The following DLG2 variants were observed in gnomAD, a reference collection of about 807,000 sequenced individuals.
The protein encoded by DLG2 is discs large MAGUK scaffold protein 2, also known as disks large homolog 2.
Under a neutral mutation model 132.5 loss-of-function variants are expected in DLG2, and 45 were observed. The observed-to-expected ratio is 0.34, with a 90% CI of 0.27 to 0.44. The LOEUF (loss-of-function observed/expected upper bound fraction) is 0.44, where lower values mean the gene tolerates loss of function less well. DLG2 is among the 20% of genes least tolerant of loss of function. The probability of loss-of-function intolerance (pLI) is 1.00; values close to 1 mark genes in which losing one functional copy is unlikely to be tolerated. For synonymous variants in DLG2, 424 were observed against 419.6 expected, an observed-to-expected ratio of 1.01 and a Z score of -0.13; for missense variants, 1,045 against 1,196.9, an observed-to-expected ratio of 0.87 and a Z score of 1.87.
Position 85,068,718 on chromosome 11 carries a change from C to A in DLG2, c.357+42943G>T, listed in dbSNP as rs191976506. On this transcript the variant is annotated intron_variant, in intron 6 of 27. Coordinates refer to ENST00000376104, the MANE Select transcript of DLG2 (RefSeq NM_001142699.3). ...GAAGAATCAGTACTGTGAAAATGGC[C>A]ATACAGCCCAAGGAAATTTACAGAT... Among the ~76,000 whole-genome samples the A allele has an allele frequency of 4.1e-4, 62 of 152,166 alleles. No individual in the cohort carries two copies. In the East Asian group the frequency reaches 9.9e-3, roughly 24 times the overall value.
At chr11:85,397,914 T>C (rs2087577338) in intron 3 of DLG2, among the ~76,000 whole-genome samples, 1 of 152,192 alleles carries the variant, frequency 6.6e-6, no homozygotes, top group African/African-American at 2.4e-5. Context: ...AACACAGCTC[T>C]GGACCAAGCG....
chr11:84,133,821 T>C (rs1209170834), intron 9 of DLG2, among the ~76,000 whole-genome samples: 1 of 152,060 alleles, frequency 6.6e-6, no homozygotes, highest in Non-Finnish European at 1.5e-5. Flanking sequence ...ATATATTTCA[T>C]AACCAGACAA....
intron 10 of DLG2, among the ~76,000 whole-genome samples, chr11:84,068,890 A>C (rs1158291235): frequency 6.6e-6 from 1 of 152,166 alleles, no homozygotes; most frequent in African/African-American, 2.4e-5. Flanking sequence ...ATGACAGGTA[A>C]ATGATGTCTA....
At chr11:83,747,149 C>G (rs529117097) in intron 18 of DLG2, among the ~76,000 whole-genome samples, 1 of 152,262 alleles carries the variant, frequency 6.6e-6, no homozygotes, top group South Asian at 2.1e-4. Flanking sequence ...AGAAGTATAT[C>G]AAACTCAAAA....
At chr11:84,028,097 G>T (rs901893430) in intron 11 of DLG2, among the ~76,000 whole-genome samples, 5 of 150,442 alleles carry the variant, frequency 3.3e-5, no homozygotes, top group Non-Finnish European at 7.4e-5. Flanking sequence ...TCTAGAGAGA[G>T]CAAACCAAAA....
chr11:84,146,197 G>C (rs911604793), intron 9 of DLG2, among the ~76,000 whole-genome samples: 5 of 152,184 alleles, frequency 3.3e-5, no homozygotes, highest in Non-Finnish European at 7.3e-5. Flanking sequence ...ATAAGCTTTG[G>C]GGTATTAAGG....
intron 7 of DLG2, among the ~76,000 whole-genome samples, chr11:84,297,818 A>G (rs1379688389): frequency 6.6e-6 from 1 of 151,962 alleles, no homozygotes; most frequent in African/African-American, 2.4e-5. Context: ...TCTTGTCCAC[A>G]CTAGCCTTCT....
intron 6 of DLG2, among the ~76,000 whole-genome samples, chr11:84,782,849 T>C (rs1189847918): frequency 6.6e-6 from 1 of 152,156 alleles, no homozygotes; most frequent in Non-Finnish European, 1.5e-5. Flanking sequence ...ACTTTTAATT[T>C]TCCTCTTAAG....
rs370540096 is a variant in DLG2, at chr11:85,491,699, G to GA, written c.40+106957dup. ...TAGAAATAAATTTAACCAAGGAGGT[G>GA]AAAGACCTGTATACTGAAAACTAAA... On this transcript the variant is annotated intron_variant, in intron 3 of 27. Transcript: ENST00000376104. 1.4e-3 allele frequency among the ~76,000 whole-genome samples: 215 copies of GA among 152,108 alleles called. 1 individual carries two copies. Among genetic ancestry groups the GA allele is most frequent in the African/African-American group, 5.0e-3 (208 of 41,544 alleles).
chr11:84,189,934 C>T (rs2096371068), intron 8 of DLG2, among the ~76,000 whole-genome samples: 1 of 151,494 alleles, frequency 6.6e-6, no homozygotes, highest in African/African-American at 2.4e-5. Context: ...ACACGTTTCC[C>T]TATGTAACAA....
At position 84,546,350 on chromosome 11, in the gene DLG2, T is replaced by A. The variant is rs114956433; in HGVS notation, c.358-11619A>T. On this transcript the variant is annotated intron_variant, in intron 6 of 27. Transcript: ENST00000376104. ...CTTCCTGTTTGCCTTCTGCCATGAT[T>A]GAAAGTTTCCTGAGGCCTCCCCGGA... Among the ~76,000 whole-genome samples the A allele has an allele frequency of 2.6e-3, 400 of 152,268 alleles. 2 individuals are homozygous for A. The highest frequency in any genetic ancestry group is 9.0e-3 in the African/African-American group (374 of 41,558).
intron 6 of DLG2, chr11:84,800,769 A>C (rs1042261155): frequency 7.9e-5 from 12 of 152,234 alleles, no homozygotes; most frequent in Non-Finnish European, 1.5e-4. Flanking sequence ...AGCCAAGAAA[A>C]AAGTTAGATT....
intron 9 of DLG2, among the ~76,000 whole-genome samples, chr11:84,131,826 T>A (rs1413141715): frequency 6.6e-6 from 1 of 152,018 alleles, no homozygotes; most frequent in African/African-American, 2.4e-5. Flanking sequence ...TTTTCTTTTG[T>A]GATTTTTCAA....
At chr11:84,888,415 T>C (rs1446408027) in intron 6 of DLG2, among the ~76,000 whole-genome samples, 2 of 152,100 alleles carry the variant, frequency 1.3e-5, no homozygotes, top group Non-Finnish European at 2.9e-5. Context: ...CTTGGTCCTT[T>C]GGACTCTAGG....
chr11:85,556,335 G>T (rs1012342342), intron 3 of DLG2, among the ~76,000 whole-genome samples: 1 of 151,878 alleles, frequency 6.6e-6, no homozygotes, highest in Non-Finnish European at 1.5e-5. Context: ...CTAGGACCCT[G>T]CAACTAACTT....
chr11:84,732,536 A>T (rs2063281970), intron 6 of DLG2, among the ~76,000 whole-genome samples: 1 of 151,858 alleles, frequency 6.6e-6, no homozygotes, highest in Non-Finnish European at 1.5e-5. Context: ...ACATCTTTTC[A>T]TGTGGTTTTT....
At chr11:85,386,442 G>A (rs943160036) in intron 3 of DLG2, among the ~76,000 whole-genome samples, 2 of 152,070 alleles carry the variant, frequency 1.3e-5, no homozygotes, top group Non-Finnish European at 2.9e-5. Context: ...TCATCACATT[G>A]ACTTCTGACG....
At chr11:85,595,235 A>G (rs531853590) in intron 3 of DLG2, among the ~76,000 whole-genome samples, 141 of 152,246 alleles carry the variant, frequency 9.3e-4, no homozygotes, top group Non-Finnish European at 1.4e-3. Context: ...CAGAATTCCA[A>G]TTCCATCTAA....
intron 2 of DLG2, among the ~76,000 whole-genome samples, chr11:85,599,456 G>A (rs909843634): frequency 4.6e-5 from 7 of 151,660 alleles, no homozygotes; most frequent in Non-Finnish European, 1.0e-4. Flanking sequence ...ATACTCCCTA[G>A]AATCAGCGTG....
Sources: gnomAD v4.1 joint callset for allele counts (sites outside exome capture counted in the v4.1 genomes callset) on GRCh38, gnomAD v4.1.1 for gene constraint, MANE v1.5 for transcripts, NCBI Gene and HGNC (gene_info 2026-07-23, HGNC 2026-07-21) for gene names.